Variants in LRFN2 observed in about 807,000 individuals in gnomAD.
LRFN2 encodes the protein leucine-rich repeat and fibronectin type-III domain-containing protein 2.
In LRFN2, 18 loss-of-function variants were observed where a neutral mutation model predicts 37.3. That is an observed-to-expected ratio of 0.48 (90% CI 0.33 to 0.72). The LOEUF (loss-of-function observed/expected upper bound fraction) is 0.72, where lower values mean the gene tolerates loss of function less well. LRFN2 is among the 30% of genes least tolerant of loss of function. The pLI is 0.02. For synonymous variants in LRFN2, 556 were observed against 466.6 expected (o/e 1.19, Z -2.47); for missense variants, 1,006 against 1,060.7 (o/e 0.95, Z 0.72).
In LRFN2 at chr6:40,577,157, A is replaced by C. The variant is rs865816562; in HGVS notation, c.-19+9784T>G. On this transcript the variant is annotated intron_variant, in intron 1 of 2. Transcript: ENST00000338305. ...CGCTGTCTCACCCAGGCTGGAGTGC[A>C]GTGGCATGATCTCAGCTCACTGCAA... 3.9e-5 allele frequency among the ~76,000 whole-genome samples: 5 copies of C among 128,960 alleles called. No homozygotes were observed. In the South Asian group the frequency reaches 7.5e-4, roughly 19 times the overall value. 84.6% of individuals were successfully genotyped at this position (128,960 alleles called of 152,430 possible).
chr6:40,465,501 T>C (rs1459564196), intron 1 of LRFN2, among the ~76,000 whole-genome samples: 2 of 152,182 alleles, frequency 1.3e-5, no homozygotes, highest in Non-Finnish European at 2.9e-5. Context: ...TCTCTATCAA[T>C]GCCTCTTGAA....
intron 1 of LRFN2, among the ~76,000 whole-genome samples, chr6:40,519,610 C>A (rs1581772309): frequency 6.6e-6 from 1 of 152,344 alleles, no homozygotes; most frequent in East Asian, 1.9e-4. Context: ...GGTAAGATGA[C>A]AGCCATGAGA....
chr6:40,503,959 CAAA>C (rs200287327), intron 1 of LRFN2, among the ~76,000 whole-genome samples: 2 of 118,252 alleles, frequency 1.7e-5, no homozygotes, highest in African/African-American at 3.2e-5. Flanking sequence ...GGAATGGAGG[CAAA>C]AAAAAAAAAA....
intron 2 of LRFN2, among the ~76,000 whole-genome samples, chr6:40,422,761 G>C (rs1189802903): frequency 6.6e-6 from 1 of 152,088 alleles, no homozygotes; most frequent in African/African-American, 2.4e-5. Flanking sequence ...TGTTTTCCTG[G>C]TATGGAATAA....
chr6:40,518,754 C>T (rs1765961154), intron 1 of LRFN2, among the ~76,000 whole-genome samples: 2 of 152,140 alleles, frequency 1.3e-5, no homozygotes, highest in African/African-American at 2.4e-5. Context: ...ATTCCAAGCA[C>T]TAGGGGCATG....
chr6:40,482,269 C>A (rs971743600), intron 1 of LRFN2, among the ~76,000 whole-genome samples: 1 of 152,192 alleles, frequency 6.6e-6, no homozygotes, highest in Non-Finnish European at 1.5e-5. Context: ...CTTGGAAGGA[C>A]GTGAATAGAA....
At chr6:40,548,285 C>CA (rs1435264689) in intron 1 of LRFN2, among the ~76,000 whole-genome samples, 4 of 152,146 alleles carry the variant, frequency 2.6e-5, no homozygotes, top group East Asian at 1.9e-4. Context: ...ACTAAAAACA[C>CA]AAAAAATTAG....
intron 1 of LRFN2, among the ~76,000 whole-genome samples, chr6:40,469,700 C>T (rs187476354): frequency 6.6e-5 from 10 of 152,300 alleles, no homozygotes; most frequent in African/African-American, 2.2e-4. Context: ...CCCACAAACC[C>T]ACCTGCTTCA....
chr6:40,483,786 G>A (rs769552735), intron 1 of LRFN2, among the ~76,000 whole-genome samples: 12 of 152,120 alleles, frequency 7.9e-5, no homozygotes, highest in African/African-American at 2.9e-4. Context: ...TTACCCTCAG[G>A]TCTCAGTTAG....
intron 1 of LRFN2, among the ~76,000 whole-genome samples, chr6:40,572,525 C>T (rs561607410): frequency 2.0e-5 from 3 of 152,332 alleles, no homozygotes; most frequent in South Asian, 4.1e-4. Context: ...GCTTGATGGG[C>T]ATATGACCCC....
rs773954766 is a variant in LRFN2 at position 40,392,049 on chromosome 6, C to A, written c.2264G>T (p.Arg755Leu). 2 of 1,614,028 alleles carry A rather than the reference C, an allele frequency of 1.2e-6. No homozygotes were observed. Among genetic ancestry groups the A allele is most frequent in the African/African-American group, 1.3e-5 (1 of 75,052 alleles). ...PRKVSNIWTK[R>L]SLSVNGMLLP... is the part of the protein sequence containing the mutation. ...GAGCATGCCGTTGACAGAGAGGCTG[C>A]GCTTCGTCCAGATGTTCGAGACCTT... Residue 755 changes from arginine (R) to leucine (L), a missense_variant, in exon 3 of 3, where the codon CGC becomes CTC. Coordinates refer to ENST00000338305, the MANE Select transcript of LRFN2 (RefSeq NM_020737.3). This position sits in a 1 kb window ranked among gnomAD's most constrained non-coding sequence, Gnocchi z 4.7.
rs565375030 is a variant in LRFN2 at position 40,540,055 on chromosome 6, C to T, written c.-19+46886G>A. 3.4e-3 allele frequency among the ~76,000 whole-genome samples: 513 copies of T among 152,188 alleles called. 1 individual carries two copies. Among genetic ancestry groups the T allele is most frequent in the Non-Finnish European group, 6.2e-3 (425 of 68,018 alleles). ...GGAGTCGGAGTCACAGCCCTGGCGC[C>T]GCACAGGCCATGGATGCAGTAGTTG... On this transcript the variant is annotated intron_variant, in intron 1 of 2. Coordinates refer to ENST00000338305, the MANE Select transcript of LRFN2 (RefSeq NM_020737.3).
intron 1 of LRFN2, among the ~76,000 whole-genome samples, chr6:40,583,920 G>T (rs1278714771): frequency 6.6e-6 from 1 of 152,172 alleles, no homozygotes; most frequent in African/African-American, 2.4e-5. Context: ...CCTCAGACAG[G>T]AAAGGGTGGC....
intron 1 of LRFN2, among the ~76,000 whole-genome samples, chr6:40,517,801 G>A (rs890700041): frequency 1.5e-4 from 23 of 152,140 alleles, no homozygotes; most frequent in African/African-American, 5.3e-4. Flanking sequence ...CAGAGCTGGG[G>A]AGAGAGTTTA....
intron 1 of LRFN2, among the ~76,000 whole-genome samples, chr6:40,536,063 C>T (rs928156121): frequency 6.6e-6 from 1 of 152,062 alleles, no homozygotes; most frequent in Non-Finnish European, 1.5e-5. Flanking sequence ...CAATGGCCAG[C>T]TGCATGTGAC....
chr6:40,520,960 C>T (rs922852967), intron 1 of LRFN2, among the ~76,000 whole-genome samples: 5 of 152,070 alleles, frequency 3.3e-5, no homozygotes, highest in East Asian at 1.9e-4. Flanking sequence ...CAATGACATA[C>T]GCACTGGAAC....
At position 40,392,944 on chromosome 6, in the gene LRFN2, G is replaced by C. The variant is rs376128751; in HGVS notation, c.1401-32C>G. 19 of 1,575,262 alleles carry C rather than the reference G, an allele frequency of 1.2e-5. No homozygotes were observed. The East Asian group carries it at 1.6e-4, about 13-fold the overall frequency. On this transcript the variant is annotated intron_variant, in intron 2 of 2. Coordinates refer to ENST00000338305, the MANE Select transcript of LRFN2 (RefSeq NM_020737.3). This position sits in a 1 kb window ranked among gnomAD's most constrained non-coding sequence, Gnocchi z 4.7. ...AGGGAGGTGGACAGAAATAGTGAGG[G>C]GTGGTGGGGTGGAAGGACAGGGTGA... is the stretch of plus-strand genomic sequence containing the variant.
intron 1 of LRFN2, among the ~76,000 whole-genome samples, chr6:40,535,318 T>C (rs759416953): frequency 1.9e-4 from 29 of 152,144 alleles, no homozygotes; most frequent in Non-Finnish European, 3.8e-4. Context: ...ATCATGACTA[T>C]TATGATTGCT....
intron 1 of LRFN2, among the ~76,000 whole-genome samples, chr6:40,542,916 A>G (rs2196100): frequency 0.45 from 69,045 of 152,094 alleles, 16,815 homozygotes; most frequent in African/African-American, 0.63. Context: ...AGGGCATCTA[A>G]TGCCAAAGCA....
Sources: gnomAD v4.1 joint callset for allele counts (sites outside exome capture counted in the v4.1 genomes callset) on GRCh38, gnomAD v4.1.1 for gene constraint, Gnocchi (gnomAD v3.1) non-coding constraint, MANE v1.5 for transcripts, NCBI Gene and HGNC (gene_info 2026-07-23, HGNC 2026-07-21) for gene names.